Variants in PDZD8 observed in about 807,000 individuals in gnomAD.
The protein encoded by PDZD8 is PDZ domain-containing protein 8.
In PDZD8, 14 loss-of-function variants were observed where a neutral mutation model predicts 85.8. That is an observed-to-expected ratio of 0.16 (90% CI 0.11 to 0.26). The LOEUF is 0.26. Among genes scored for constraint, PDZD8 ranks in the 10% least tolerant of loss-of-function variants. The probability of loss-of-function intolerance (pLI) is 1.00; values close to 1 mark genes in which losing one functional copy is unlikely to be tolerated. For missense variants in PDZD8, 1,197 were observed against 1,424.3 expected (o/e 0.84, Z 2.57); for synonymous variants, 592 against 568.6 (o/e 1.04, Z -0.59).
intron 1 of PDZD8, among the ~76,000 whole-genome samples, chr10:117,373,721 A>G (rs1436926059): frequency 1.3e-5 from 2 of 151,924 alleles, no homozygotes; most frequent in African/African-American, 4.8e-5. Flanking sequence ...CAGAGGTTGC[A>G]GTAAGCCGAG....
At chr10:117,320,246 T>G (rs929277927) in intron 2 of PDZD8, among the ~76,000 whole-genome samples, 1 of 152,130 alleles carries the variant, frequency 6.6e-6, no homozygotes, top group African/African-American at 2.4e-5. Context: ...TTACATTCAT[T>G]AAAGCTCTGC....
chr10:117,313,322 T>C (rs977501980), intron 3 of PDZD8, among the ~76,000 whole-genome samples: 3 of 152,340 alleles, frequency 2.0e-5, no homozygotes, highest in African/African-American at 7.2e-5. Context: ...TTGATTTTTA[T>C]GTTGATTACA....
chr10:117,345,573 G>A (rs1054782111), intron 1 of PDZD8, among the ~76,000 whole-genome samples: 10 of 152,140 alleles, frequency 6.6e-5, no homozygotes, highest in African/African-American at 2.4e-4. Context: ...TGGGTAAGGG[G>A]AGACCAGTAT....
chr10:117,305,461 TACACACACATACACACACACAC>T (rs1843922970), intron 3 of PDZD8, among the ~76,000 whole-genome samples: 3 of 55,196 alleles, frequency 5.4e-5, no homozygotes, highest in African/African-American at 1.4e-4. Flanking sequence ...CACACATATA[TACACACACATACACACACACAC>T]ACACACACAC....
rs1171655334 is a variant in PDZD8, at chr10:117,305,465, CACACAT to C, written c.1098+13401_1098+13406del. 1.5e-3 allele frequency among the ~76,000 whole-genome samples: 150 copies of C among 101,088 alleles called. 1 individual carries two copies. The highest frequency in any genetic ancestry group is 5.3e-3 in the South Asian group (14 of 2,630). 66.3% of individuals were successfully genotyped at this position (101,088 alleles called of 152,430 possible). A position where few individuals can be genotyped will look rare whatever the true frequency, so the allele number is the denominator to read the frequency against. On this transcript the variant is annotated intron_variant, in intron 3 of 4. Coordinates refer to ENST00000334464, the MANE Select transcript of PDZD8 (RefSeq NM_173791.5). ...ACACACACACACACACATATATACA[CACACAT>C]ACACACACACACACACACACACACA...
intron 1 of PDZD8, among the ~76,000 whole-genome samples, chr10:117,343,752 C>T (rs1488152645): frequency 6.6e-6 from 1 of 152,082 alleles, no homozygotes; most frequent in Admixed American, 6.5e-5. Context: ...TGTTTATGCA[C>T]AAAAATAATC....
chr10:117,356,749 A>G (rs1055100078), intron 1 of PDZD8, among the ~76,000 whole-genome samples: 1 of 152,200 alleles, frequency 6.6e-6, no homozygotes, highest in Non-Finnish European at 1.5e-5. Context: ...TGAAAAACAA[A>G]TGAGAAAAAG....
At position 117,375,421 on chromosome 10, in the gene PDZD8, C is replaced by G. The variant is rs1485862000; in HGVS notation, c.-194G>C. The G allele has an allele frequency of 1.4e-5, 4 of 287,216 alleles. No individual in the cohort carries two copies. In the South Asian group the frequency reaches 6.0e-4, roughly 43 times the overall value. 17.8% of individuals were successfully genotyped at this position (287,216 alleles called of 1,614,324 possible). A position where few individuals can be genotyped will look rare whatever the true frequency, so the allele number is the denominator to read the frequency against. ...CCGCAGCGGCCCGCGCCTCCTCAGA[C>G]GCTCCCGAAGGGCCGGTGTGGCGGC... On this transcript the variant is annotated 5_prime_UTR_variant, in exon 1 of 5. Transcript: ENST00000334464.
intron 3 of PDZD8, among the ~76,000 whole-genome samples, chr10:117,304,198 C>T (rs1052767751): frequency 4.6e-5 from 7 of 152,186 alleles, no homozygotes; most frequent in African/African-American, 1.7e-4. Flanking sequence ...CTTGCATCAG[C>T]GTGACCTGGA....
chr10:117,330,538 A>C (rs1196056512), intron 2 of PDZD8, among the ~76,000 whole-genome samples: 1 of 152,148 alleles, frequency 6.6e-6, no homozygotes, highest in Admixed American at 6.6e-5. Flanking sequence ...AGATCCTTAG[A>C]GTTCCTTTGC....
chr10:117,365,676 TAC>T (rs556202957), intron 1 of PDZD8, among the ~76,000 whole-genome samples: 24 of 152,310 alleles, frequency 1.6e-4, no homozygotes, highest in African/African-American at 4.6e-4. Context: ...ACAGGAAGTG[TAC>T]AGTTTTATGC....
chr10:117,338,149 A>G (rs930512264), intron 2 of PDZD8, among the ~76,000 whole-genome samples: 2 of 152,228 alleles, frequency 1.3e-5, no homozygotes, highest in Non-Finnish European at 2.9e-5. Context: ...AAAAGTTTAC[A>G]AGAAAAACAG....
intron 1 of PDZD8, among the ~76,000 whole-genome samples, chr10:117,345,031 T>C (rs1384760444): frequency 6.6e-6 from 1 of 152,196 alleles, no homozygotes; most frequent in Non-Finnish European, 1.5e-5. Context: ...CCTAGAGTTG[T>C]GGTATCACCC....
At chr10:117,298,926 C>A (rs1843800358) in intron 3 of PDZD8, among the ~76,000 whole-genome samples, 1 of 151,866 alleles carries the variant, frequency 6.6e-6, no homozygotes, top group South Asian at 2.1e-4. Flanking sequence ...CTCGAGGATA[C>A]CAAAATCGGT....
At position 117,329,924 on chromosome 10, in the gene PDZD8, T is replaced by A. The variant is rs536033877; in HGVS notation, c.996-10950A>T. ...CCAAGACACTGCACTCCAGTCTTGG[T>A]GACAGAATGAGACCCTGTCTCAAGA... is the stretch of plus-strand genomic sequence containing the variant. On this transcript the variant is annotated intron_variant, in intron 2 of 4. Transcript: ENST00000334464. Among the ~76,000 whole-genome samples the A allele has an allele frequency of 8.4e-5, 12 of 142,718 alleles. 1 individual carries two copies. In the South Asian group the frequency reaches 2.7e-3, roughly 33 times the overall value. 93.6% of individuals were successfully genotyped at this position (142,718 alleles called of 152,430 possible). A position where few individuals can be genotyped will look rare whatever the true frequency, so the allele number is the denominator to read the frequency against.
rs1384078766 is a variant in PDZD8 at position 117,283,535 on chromosome 10, A to G, written c.3198T>C (p.Asp1066=). Reference sequence around the variant, plus strand: ...CAGAAAGAAGTGATTTTTTCCTTGTATCAGTTGTCTCTTTTTCTTCTCTAA... The same window carrying G: ...CAGAAAGAAGTGATTTTTTCCTTGTGTCAGTTGTCTCTTTTTCTTCTCTAA... The part of the protein sequence containing the change: ...SLVREEKETT[D]TRKKSLLSAA... The change falls in exon 5 of 5, where the codon GAT becomes GAC. Residue 1066 remains aspartate (D), a synonymous_variant. Transcript: ENST00000334464. 1 of 1,614,188 alleles carries G rather than the reference A, an allele frequency of 6.2e-7. No homozygotes were observed. Among genetic ancestry groups the G allele is most frequent in the Admixed American group, 1.7e-5 (1 of 60,018 alleles).
intron 3 of PDZD8, among the ~76,000 whole-genome samples, chr10:117,303,538 T>C (rs1030529387): frequency 8.5e-5 from 13 of 152,200 alleles, no homozygotes; most frequent in Admixed American, 8.5e-4. Context: ...GAAATTTGCA[T>C]AAGTAGCAAG....
At chr10:117,290,423 T>C in intron 3 of PDZD8, 75 bp from the exon 4 acceptor site, 1 of 1,208,996 alleles carries the variant, frequency 8.3e-7, no homozygotes, top group South Asian at 1.5e-5. Context: ...AGTAACAGAC[T>C]GTTATGTGCA....
intron 2 of PDZD8, 58 bp from the exon 3 acceptor site, chr10:117,319,032 T>C (rs946205225): frequency 2.6e-6 from 3 of 1,166,658 alleles, no homozygotes; most frequent in African/African-American, 1.6e-5. Flanking sequence ...ATTAAAATTT[T>C]TCTTTCTGAT....
Sources: allele counts gnomAD v4.1 joint callset (sites outside exome capture counted in the v4.1 genomes callset), GRCh38; gene constraint gnomAD v4.1.1; transcripts MANE v1.5; gene names NCBI Gene and HGNC (gene_info 2026-07-23, HGNC 2026-07-21).